USP32: variants seen among roughly 807,000 people sequenced by gnomAD.
The protein encoded by USP32 is ubiquitin carboxyl-terminal hydrolase 32.
Under a neutral mutation model 204.8 loss-of-function variants are expected in USP32, and 59 were observed. The ratio of observed to expected loss-of-function variants is 0.29; its 90% CI spans 0.23 to 0.36. The LOEUF is 0.36. Ranked by LOEUF, USP32 falls within the 10% of genes least tolerant of loss-of-function variation. The pLI is 1.00. For missense variants in USP32, 1,160 were observed against 1,946.4 expected (o/e 0.60, Z 7.60); for synonymous variants, 517 against 678.4 (o/e 0.76, Z 3.70).
In USP32 at chr17:60,222,745, G is replaced by A. The variant is rs7209706; in HGVS notation, c.1609-196C>T. The stretch of plus-strand genomic sequence containing the variant: ...CACCCAGGCTGGAGTACAGTGGCGC[G>A]ATCTTCGCTTGCTGCAGCCTCCGCC... On this transcript the variant is annotated intron_variant, in intron 14 of 33. Transcript: ENST00000300896. 5.9e-3 allele frequency among the ~76,000 whole-genome samples: 880 copies of A among 148,384 alleles called. 8 individuals carry two copies. Among genetic ancestry groups the A allele is most frequent in the African/African-American group, 0.021 (826 of 39,844 alleles).
intron 16 of USP32, 116 bp from the exon 17 acceptor site, chr17:60,214,890 T>G: frequency 1.3e-6 from 2 of 1,503,356 alleles, no homozygotes; most frequent in Non-Finnish European, 1.8e-6. Context: ...GAATTACAGG[T>G]GTAATAATTT....
Position 60,392,031 on chromosome 17 carries a change from G to T in USP32, c.-92C>A, listed in dbSNP as rs1217527263. 7.0e-7 allele frequency: 1 copy of T among 1,425,058 alleles called. No individual in the cohort carries two copies. Among genetic ancestry groups the T allele is most frequent in the Non-Finnish European group, 9.5e-7 (1 of 1,051,870 alleles). 88.3% of individuals were successfully genotyped at this position (1,425,058 alleles called of 1,614,324 possible). A position where few individuals can be genotyped will look rare whatever the true frequency, so the allele number is the denominator to read the frequency against. On this transcript the variant is annotated 5_prime_UTR_variant, in exon 1 of 34. Coordinates refer to ENST00000300896, the MANE Select transcript of USP32 (RefSeq NM_032582.4). The stretch of plus-strand genomic sequence containing the variant: ...CTCGGCGTCCCTGGGTGACGGTGAC[G>T]GTGTCGGCGTCCCCCGCCCCCACCT...
chr17:60,281,554 T>G (rs1259923389), intron 5 of USP32, among the ~76,000 whole-genome samples: 1 of 150,826 alleles, frequency 6.6e-6, no homozygotes, highest in Non-Finnish European at 1.5e-5. Context: ...AAAAAAATGC[T>G]GTATACCAGA....
At chr17:60,179,965 C>T (rs934763735) in intron 33 of USP32, among the ~76,000 whole-genome samples, 9 of 152,154 alleles carry the variant, frequency 5.9e-5, no homozygotes, top group Admixed American at 3.3e-4. Flanking sequence ...CCACCGTGTT[C>T]GGCCCAACCC....
rs185436782 is a variant in USP32 at position 60,240,979 on chromosome 17, C to T, written c.1137-4739G>A. Among the ~76,000 whole-genome samples the T allele has an allele frequency of 2.0e-4, 30 of 152,186 alleles. No homozygotes were observed. The South Asian group carries it at 2.1e-3, about 11-fold the overall frequency. On this transcript the variant is annotated intron_variant, in intron 11 of 33. Coordinates refer to ENST00000300896, the MANE Select transcript of USP32 (RefSeq NM_032582.4). ...CAGTAGCTTTTCTGGTAGCCCCAGACGGTTTAGACAAACACAACTTGTTTT... is the reference window on the plus strand; with the variant it reads ...CAGTAGCTTTTCTGGTAGCCCCAGATGGTTTAGACAAACACAACTTGTTTT...
chr17:60,213,665 G>A lies in USP32; in HGVS notation c.2023-3C>T, dbSNP rs780665904. 2.8e-5 allele frequency: 32 copies of A among 1,159,720 alleles called. No homozygotes were observed. Among genetic ancestry groups the A allele is most frequent in the Non-Finnish European group, 1.2e-6 (1 of 834,412 alleles). 71.8% of individuals were successfully genotyped at this position (1,159,720 alleles called of 1,614,324 possible). A position where few individuals can be genotyped will look rare whatever the true frequency, so the allele number is the denominator to read the frequency against. ...TCATCCAGAAGAGTAAGGTAGTTCTGTGTAAGGAGGAGGAAATGTTTTTGT... is the reference window on the plus strand; with the variant it reads ...TCATCCAGAAGAGTAAGGTAGTTCTATGTAAGGAGGAGGAAATGTTTTTGT... On this transcript the variant is annotated splice_polypyrimidine_tract_variant and splice_region_variant and intron_variant, in intron 17 of 33. Coordinates refer to ENST00000300896, the MANE Select transcript of USP32 (RefSeq NM_032582.4).
At position 60,255,258 on chromosome 17, in the gene USP32, T is replaced by C. The variant is rs2086265994; in HGVS notation, c.991A>G (p.Met331Val). 3.8e-6 allele frequency: 6 copies of C among 1,597,908 alleles called. No homozygotes were observed. In the East Asian group the frequency reaches 6.7e-5, roughly 18 times the overall value. ...TAGTCTTCCAGAGTAAGATGACCCA[T>C]CTGAAACAGAGACACTCATGTTAGG... ...GILNAHDTTK[M>V]GHLTLEDYQI... Residue 331 changes from methionine (M) to valine (V), a missense_variant and splice_region_variant, in exon 10 of 34, where the codon ATG becomes GTG. Transcript: ENST00000300896.
intron 2 of USP32, 86 bp downstream of exon 2, chr17:60,345,395 C>T: frequency 1.3e-6 from 2 of 1,535,168 alleles, no homozygotes; most frequent in Non-Finnish European, 1.8e-6. Flanking sequence ...AAGATTAAAT[C>T]TGTTAAGAGC....
intron 12 of USP32, among the ~76,000 whole-genome samples, chr17:60,232,705 C>T (rs2085603269): frequency 6.6e-6 from 1 of 151,794 alleles, no homozygotes; most frequent in South Asian, 2.1e-4. Flanking sequence ...CACCACCATA[C>T]CCGGCTAATT....
At chr17:60,317,963 C>T (rs1598238365) in intron 2 of USP32, among the ~76,000 whole-genome samples, 1 of 152,052 alleles carries the variant, frequency 6.6e-6, no homozygotes, top group South Asian at 2.1e-4. Context: ...CCAGCCTCGG[C>T]GACAGAGCCA....
chr17:60,178,667 G>A lies in USP32; in HGVS notation c.*588C>T, dbSNP rs1339461733. Among the ~76,000 whole-genome samples the A allele has an allele frequency of 2.0e-5, 3 of 151,876 alleles. No homozygotes were observed. The highest frequency in any genetic ancestry group is 2.0e-4 in the Admixed American group (3 of 15,252). On this transcript the variant is annotated 3_prime_UTR_variant, in exon 34 of 34. Transcript: ENST00000300896. ...GTTGTGTCTCAAACATAAATACAAC[G>A]GCAAAAACAAAAAGCAAGAAAGACA...
chr17:60,366,407 T>G (rs2089314675), intron 1 of USP32, among the ~76,000 whole-genome samples: 1 of 152,056 alleles, frequency 6.6e-6, no homozygotes, highest in Admixed American at 6.6e-5. Flanking sequence ...TCTACCTGCC[T>G]CGGCCTCCCA....
Position 60,208,799 on chromosome 17 carries a change from T to C in USP32, c.2628A>G (p.Arg876=), listed in dbSNP as rs566418088. The part of the protein sequence containing the change: ...EAWDNHLRRN[R]SIVVDLFHGQ... ...CATGGAACAAATCCACAACAATTGA[T>C]CTATTTCTTCTTAGATGGTTGTCCC... The change falls in exon 23 of 34, where the codon AGA becomes AGG. Residue 876 remains arginine, a synonymous_variant. Coordinates refer to ENST00000300896, the MANE Select transcript of USP32 (RefSeq NM_032582.4). The C allele has an allele frequency of 5.0e-6, 8 of 1,604,114 alleles. No individual in the cohort carries two copies. The Admixed American group carries it at 1.2e-4, about 24-fold the overall frequency.
At chr17:60,229,231 G>A (rs1047363921) in intron 12 of USP32, among the ~76,000 whole-genome samples, 1 of 151,406 alleles carries the variant, frequency 6.6e-6, no homozygotes. Flanking sequence ...ATAGAGATGG[G>A]GTCTCAATAT....
At chr17:60,362,632 G>A (rs576343962) in intron 1 of USP32, among the ~76,000 whole-genome samples, 13 of 151,918 alleles carry the variant, frequency 8.6e-5, no homozygotes, top group Middle Eastern at 3.4e-3. Context: ...AGTTTTTTTC[G>A]TTTCCATAAT....
At chr17:60,348,318 A>T (rs535553851) in intron 1 of USP32, among the ~76,000 whole-genome samples, 2 of 152,118 alleles carry the variant, frequency 1.3e-5, no homozygotes, top group African/African-American at 4.8e-5. Flanking sequence ...CCAAAACTAG[A>T]AGAAGCCAGT....
chr17:60,290,131 A>G (rs763680307), intron 4 of USP32, among the ~76,000 whole-genome samples: 1 of 152,198 alleles, frequency 6.6e-6, no homozygotes, highest in African/African-American at 2.4e-5. Flanking sequence ...TCGAAATGTA[A>G]TTCTCTGTAA....
rs138180427 is a variant in USP32 at position 60,340,855 on chromosome 17, G to C, written c.186+4626C>G. Among the ~76,000 whole-genome samples the C allele has an allele frequency of 6.2e-3, 948 of 152,278 alleles. 6 individuals carry two copies. Among genetic ancestry groups the C allele is most frequent in the Non-Finnish European group, 9.4e-3 (638 of 68,020 alleles). On this transcript the variant is annotated intron_variant, in intron 2 of 33. Coordinates refer to ENST00000300896, the MANE Select transcript of USP32 (RefSeq NM_032582.4). ...GTGCTTCTGTCAGGAGCTCTTGTAAGGCAGGCCTGGTGGTGACAAAATCTC... is the reference window on the plus strand; with the variant it reads ...GTGCTTCTGTCAGGAGCTCTTGTAACGCAGGCCTGGTGGTGACAAAATCTC...
chr17:60,408,838 G>T (rs1330213441), intron 1 of USP32, among the ~76,000 whole-genome samples: 2 of 152,138 alleles, frequency 1.3e-5, no homozygotes, highest in Non-Finnish European at 2.9e-5. Flanking sequence ...GAACTAAGTG[G>T]ACACCACATA....
Sources: gnomAD v4.1 joint callset for allele counts (sites outside exome capture counted in the v4.1 genomes callset) on GRCh38, gnomAD v4.1.1 for gene constraint, MANE v1.5 for transcripts, NCBI Gene and HGNC (gene_info 2026-07-23, HGNC 2026-07-21) for gene names.